TNS1: variants seen among roughly 807,000 people sequenced by gnomAD.
TNS1 encodes tensin-1.
Under a neutral mutation model 168.6 loss-of-function variants are expected in TNS1, and 62 were observed. The ratio of observed to expected loss-of-function variants is 0.37; its 90% CI spans 0.30 to 0.45. TNS1 has a LOEUF of 0.45. Ranked by LOEUF, TNS1 falls within the 20% of genes least tolerant of loss-of-function variation. TNS1 has a pLI of 1.00. For missense variants in TNS1, 2,240 were observed against 2,339.4 expected, an observed-to-expected ratio of 0.96 and a Z score of 0.88; for synonymous variants, 934 against 933.2, an observed-to-expected ratio of 1.00 and a Z score of -0.02.
chr2:217,804,243 T>C lies in TNS1; in HGVS notation c.*216A>G. 1 of 586,074 alleles carries C rather than the reference T, an allele frequency of 1.7e-6. No homozygotes were observed. The highest frequency in any genetic ancestry group is 2.9e-6 in the Non-Finnish European group (1 of 343,694). The allele number at this position is 586,074 out of a possible 1,614,324, so 36.3% of individuals were successfully genotyped here. ...CATCTACCCAGGGGAATCCAAGTTCTTCTCCTCCATCTTTCTCTCTCTCTC... is the reference window on the plus strand; with the variant it reads ...CATCTACCCAGGGGAATCCAAGTTCCTCTCCTCCATCTTTCTCTCTCTCTC... On this transcript the variant is annotated 3_prime_UTR_variant, in exon 33 of 33. Transcript: ENST00000682258.
At chr2:218,015,166 C>A (rs1254406059), upstream of TNS1, among the ~76,000 whole-genome samples, 1 of 152,038 alleles carries the variant, frequency 6.6e-6, no homozygotes, top group East Asian at 1.9e-4. Context: ...AAACTTGAAC[C>A]CCTGCCCCTG....
intron 22 of TNS1, among the ~76,000 whole-genome samples, chr2:217,827,971 T>C (rs1187917582): frequency 6.6e-6 from 1 of 152,220 alleles, no homozygotes; most frequent in Non-Finnish European, 1.5e-5. Flanking sequence ...GAGATACCAC[T>C]GGTCTGTTAA....
At chr2:217,960,118 C>T (rs535889365) in intron 3 of TNS1, among the ~76,000 whole-genome samples, 54 of 152,198 alleles carry the variant, frequency 3.5e-4, no homozygotes, top group Middle Eastern at 3.4e-3. Flanking sequence ...TCCACCAGTC[C>T]CTCCACTAAC....
intron 1 of TNS1, among the ~76,000 whole-genome samples, chr2:217,996,740 G>C (rs1448910110): frequency 2.6e-5 from 4 of 151,960 alleles, no homozygotes; most frequent in East Asian, 1.9e-4. Flanking sequence ...GCAGCCTCCT[G>C]GGCCCCGACA....
chr2:217,858,167 C>T (rs186355720), intron 18 of TNS1, among the ~76,000 whole-genome samples: 34 of 152,222 alleles, frequency 2.2e-4, no homozygotes, highest in African/African-American at 7.5e-4. Flanking sequence ...GCGCACAAGA[C>T]GAACCGTTAC....
At chr2:217,808,262 A>G (rs1203024918) in intron 31 of TNS1, among the ~76,000 whole-genome samples, 155 bp from the exon 32 acceptor site, 3 of 140,426 alleles carry the variant, frequency 2.1e-5, no homozygotes, top group African/African-American at 7.9e-5. Flanking sequence ...CAGGGACAGG[A>G]GCTGCCCAAG....
intron 19 of TNS1, among the ~76,000 whole-genome samples, chr2:217,843,414 T>C (rs988465135): frequency 1.3e-5 from 2 of 151,908 alleles, no homozygotes; most frequent in Non-Finnish European, 2.9e-5. Flanking sequence ...TCATGACTCT[T>C]ATATTTACAA....
chr2:217,960,933 G>C (rs972444965), intron 3 of TNS1, among the ~76,000 whole-genome samples: 2 of 152,014 alleles, frequency 1.3e-5, no homozygotes, highest in Non-Finnish European at 2.9e-5. Flanking sequence ...GTTTCTCCTC[G>C]TGGAAAAAAG....
intron 20 of TNS1, 69 bp from the exon 21 acceptor site, chr2:217,835,235 T>C: frequency 1.4e-6 from 2 of 1,445,844 alleles, no homozygotes; most frequent in Non-Finnish European, 1.9e-6. Context: ...TCAGATGACC[T>C]GAGGTATGAG....
At chr2:217,904,993 C>T (rs1403492949) in intron 6 of TNS1, among the ~76,000 whole-genome samples, 1 of 152,202 alleles carries the variant, frequency 6.6e-6, no homozygotes, top group African/African-American at 2.4e-5. Flanking sequence ...TTCAGCAACG[C>T]CAAGCCTCTG....
intron 1 of TNS1, among the ~76,000 whole-genome samples, chr2:218,009,752 G>T (rs1343092021): frequency 6.6e-6 from 1 of 152,166 alleles, no homozygotes; most frequent in Non-Finnish European, 1.5e-5. Context: ...AATTTGAGAG[G>T]GATGCTTAAA....
At chr2:217,999,359 G>A (rs199814501) in intron 1 of TNS1, among the ~76,000 whole-genome samples, 6 of 152,286 alleles carry the variant, frequency 3.9e-5, no homozygotes, top group East Asian at 1.9e-4. Context: ...ATTCAAAACC[G>A]AACAACCCTA....
In TNS1 at chr2:217,880,663, C is replaced by A. The variant is rs1399269747; in HGVS notation, c.1429+235G>T. Among the ~76,000 whole-genome samples, 2 of 152,214 alleles carry A rather than the reference C, an allele frequency of 1.3e-5. No individual in the cohort carries two copies. The highest frequency in any genetic ancestry group is 2.4e-5 in the African/African-American group (1 of 41,456). On this transcript the variant is annotated intron_variant, in intron 18 of 32. Coordinates refer to ENST00000682258, the MANE Select transcript of TNS1 (RefSeq NM_001387777.1). This position sits in a 1 kb window ranked among gnomAD's most constrained non-coding sequence, Gnocchi z 4.2. ...CTGTAGCAACACACTTCCACGATAA[C>A]CCCCTTGTGGCCATTTTGCTGCCTT...
At chr2:217,811,275 A>G (rs1373454264) in intron 28 of TNS1, among the ~76,000 whole-genome samples, 1 of 150,414 alleles carries the variant, frequency 6.6e-6, no homozygotes, top group Non-Finnish European at 1.5e-5. Context: ...TCTAAATATT[A>G]AACAGTTTTT....
At chr2:217,837,954 T>G (rs1205867610) in intron 19 of TNS1, among the ~76,000 whole-genome samples, 1 of 152,256 alleles carries the variant, frequency 6.6e-6, no homozygotes, top group Non-Finnish European at 1.5e-5. Flanking sequence ...TCAGGTCTCC[T>G]GGGCAGCTTG....
chr2:217,974,736 C>T (rs998726146), intron 3 of TNS1, among the ~76,000 whole-genome samples: 1 of 152,266 alleles, frequency 6.6e-6, no homozygotes. Context: ...TCCTCTGCAA[C>T]CCAGCTTACA....
intron 28 of TNS1, among the ~76,000 whole-genome samples, chr2:217,811,120 T>C (rs1017023674): frequency 6.6e-6 from 1 of 152,154 alleles, no homozygotes; most frequent in African/African-American, 2.4e-5. Flanking sequence ...CTTCGAGCAA[T>C]CCTTCCACCT....
chr2:217,836,949 T>C (rs1265069060), intron 19 of TNS1, among the ~76,000 whole-genome samples: 1 of 152,054 alleles, frequency 6.6e-6, no homozygotes, highest in Non-Finnish European at 1.5e-5. Context: ...CCAATCCCAT[T>C]CCACAGGCCT....
intron 16 of TNS1, 73 bp from the exon 17 acceptor site, chr2:217,882,484 G>T: frequency 3.0e-6 from 3 of 1,005,742 alleles, no homozygotes; most frequent in South Asian, 3.0e-5. Context: ...TTTTCTTCTA[G>T]AAAAAATTAA....
Sources: allele counts gnomAD v4.1 joint callset (sites outside exome capture counted in the v4.1 genomes callset), GRCh38; gene constraint gnomAD v4.1.1; non-coding constraint Gnocchi (gnomAD v3.1); transcripts MANE v1.5; gene names NCBI Gene and HGNC (gene_info 2026-07-23, HGNC 2026-07-21).